ARHGAP6: variants seen among roughly 807,000 people sequenced by gnomAD.
ARHGAP6 encodes Rho GTPase activating protein 6, also known as rho GTPase-activating protein 6.
Under a neutral mutation model 55.7 loss-of-function variants are expected in ARHGAP6, and 16 were observed. That is an observed-to-expected ratio of 0.29 (90% CI 0.19 to 0.44). ARHGAP6 has a LOEUF of 0.44. Ranked by LOEUF, ARHGAP6 falls within the 20% of genes least tolerant of loss-of-function variation. The pLI is 1.00. For synonymous variants in ARHGAP6, 382 were observed against 360.9 expected (o/e 1.06, Z -0.66); for missense variants, 698 against 808.9 (o/e 0.86, Z 1.66).
At chrX:11,538,105 TAC>T (rs778775438) in intron 1 of ARHGAP6, among the ~76,000 whole-genome samples, 4 of 112,155 alleles carry the variant, frequency 3.6e-5, no homozygotes, top group South Asian at 7.4e-4. Flanking sequence ...TTCTAAAAGA[TAC>T]AGAGTTGTCT....
intron 2 of ARHGAP6, among the ~76,000 whole-genome samples, chrX:11,198,865 C>T (rs186962244): frequency 8.9e-6 from 1 of 112,278 alleles, no homozygotes; most frequent in African/African-American, 3.2e-5. Context: ...ATTGCTAGTA[C>T]CTGAGAAACT....
intron 1 of ARHGAP6, among the ~76,000 whole-genome samples, chrX:11,451,440 C>G (rs2050142980): frequency 8.9e-6 from 1 of 112,216 alleles, no homozygotes; most frequent in Non-Finnish European, 1.9e-5. Context: ...ACAGAACAAT[C>G]AGTCCACTCA....
chrX:11,249,898 T>C (rs150813454), intron 2 of ARHGAP6, among the ~76,000 whole-genome samples: 3,245 of 111,589 alleles, frequency 0.029, 40 homozygotes, highest in Middle Eastern at 0.088. Flanking sequence ...AATATATATC[T>C]ACCTATGTTT....
intron 1 of ARHGAP6, among the ~76,000 whole-genome samples, chrX:11,645,400 C>T (rs752816223): frequency 4.5e-5 from 5 of 111,242 alleles, no homozygotes; most frequent in East Asian, 2.8e-4. Context: ...CTGGGGGAAA[C>T]GTTACTTCAT....
intron 1 of ARHGAP6, among the ~76,000 whole-genome samples, chrX:11,261,806 T>G: frequency 9.0e-6 from 1 of 111,511 alleles, no homozygotes; most frequent in Middle Eastern, 4.6e-3. Context: ...ACATTTTTGG[T>G]TGTTATAACT....
intron 8 of ARHGAP6, among the ~76,000 whole-genome samples, chrX:11,174,606 T>G (rs1476016184): frequency 2.1e-5 from 2 of 95,111 alleles, no homozygotes; most frequent in Non-Finnish European, 4.3e-5. Context: ...CTTTCTTTCT[T>G]TCTTTCTTTC....
chrX:11,395,277 G>A (rs558160470), intron 1 of ARHGAP6, among the ~76,000 whole-genome samples: 13 of 111,546 alleles, frequency 1.2e-4, no homozygotes, highest in Middle Eastern at 4.6e-3. Flanking sequence ...AGCTAACCCA[G>A]CAATATGAAG....
intron 1 of ARHGAP6, among the ~76,000 whole-genome samples, chrX:11,344,748 G>A (rs1031627979): frequency 9.3e-6 from 1 of 106,985 alleles, no homozygotes; most frequent in Non-Finnish European, 1.9e-5. Context: ...TGCTCAGACT[G>A]GTTGGATTGA....
At chrX:11,481,101 G>A (rs946772384) in intron 1 of ARHGAP6, among the ~76,000 whole-genome samples, 2 of 111,026 alleles carry the variant, frequency 1.8e-5, no homozygotes, top group Non-Finnish European at 3.8e-5. Context: ...CAAATTACTA[G>A]GATCTCCCCT....
chrX:11,649,326 A>G (rs748017993), intron 1 of ARHGAP6, among the ~76,000 whole-genome samples: 4 of 112,173 alleles, frequency 3.6e-5, no homozygotes, highest in South Asian at 7.5e-4. Context: ...ATGCAGAGCC[A>G]AAGAACTACC....
At chrX:11,350,777 G>A (rs1002911185) in intron 1 of ARHGAP6, among the ~76,000 whole-genome samples, 1 of 111,376 alleles carries the variant, frequency 9.0e-6, no homozygotes, top group Admixed American at 9.6e-5. Context: ...TTACATTACA[G>A]AGACATTTAC....
rs771775925 is a variant in ARHGAP6, at chrX:11,298,637, C to G, written c.589-43930G>C. ...CCCAACAGCACCCCCCGACTCACACCCTGCAGCCTCATCACCACATCCCAG... is the reference window on the plus strand; with the variant it reads ...CCCAACAGCACCCCCCGACTCACACGCTGCAGCCTCATCACCACATCCCAG... On this transcript the variant is annotated intron_variant, in intron 1 of 12. Coordinates refer to ENST00000337414, the MANE Select transcript of ARHGAP6 (RefSeq NM_013427.3). 3 of 1,208,521 alleles carry G rather than the reference C, an allele frequency of 2.5e-6. No individual in the cohort carries two copies. The East Asian group carries it at 8.9e-5, about 36-fold the overall frequency.
At chrX:11,261,953 T>C (rs1488191118) in intron 1 of ARHGAP6, among the ~76,000 whole-genome samples, 1 of 112,076 alleles carries the variant, frequency 8.9e-6, no homozygotes, top group East Asian at 2.8e-4. Flanking sequence ...TGAGAAACCT[T>C]GGTTTAGCAT....
chrX:11,343,715 C>G (rs1363552849), intron 1 of ARHGAP6, among the ~76,000 whole-genome samples: 1 of 111,512 alleles, frequency 9.0e-6, no homozygotes, highest in Non-Finnish European at 1.9e-5. Context: ...TTAACAAGCC[C>G]TCTAGGTGAC....
chrX:11,655,798 C>G lies in ARHGAP6; in HGVS notation c.588+8443G>C, dbSNP rs773990564. Among the ~76,000 whole-genome samples, 7 of 112,594 alleles carry G rather than the reference C, an allele frequency of 6.2e-5. No individual in the cohort carries two copies. The South Asian group carries it at 2.6e-3, about 41-fold the overall frequency. On this transcript the variant is annotated intron_variant, in intron 1 of 12. Transcript: ENST00000337414. ...CAGTAAATTTTAGAACAAGATGTCACGCCCCAAAGGCAAGCCTCTGGGAAT... is the reference window on the plus strand; with the variant it reads ...CAGTAAATTTTAGAACAAGATGTCAGGCCCCAAAGGCAAGCCTCTGGGAAT...
chrX:11,326,837 T>G (rs145922052), intron 1 of ARHGAP6, among the ~76,000 whole-genome samples: 1,194 of 112,229 alleles, frequency 0.011, 22 homozygotes, highest in African/African-American at 0.036. Flanking sequence ...AAACTTTGAG[T>G]AAAATTTTTC....
At chrX:11,340,667 T>C (rs1191081445) in intron 1 of ARHGAP6, among the ~76,000 whole-genome samples, 1 of 106,954 alleles carries the variant, frequency 9.3e-6, no homozygotes, top group East Asian at 2.9e-4. Flanking sequence ...AAGCGGAGCT[T>C]GCAGTGAGCC....
chrX:11,656,013 C>T (rs1315632929), intron 1 of ARHGAP6, among the ~76,000 whole-genome samples: 2 of 112,642 alleles, frequency 1.8e-5, no homozygotes, highest in African/African-American at 6.4e-5. Flanking sequence ...TATTTGGAGG[C>T]ACCTGGCTGA....
At chrX:11,223,842 A>T (rs1479738474) in intron 2 of ARHGAP6, among the ~76,000 whole-genome samples, 4 of 110,965 alleles carry the variant, frequency 3.6e-5, no homozygotes, top group Admixed American at 9.6e-5. Flanking sequence ...CTGTTAGAGA[A>T]AATTATTGTT....
Sources: allele counts gnomAD v4.1 joint callset (sites outside exome capture counted in the v4.1 genomes callset), GRCh38; gene constraint gnomAD v4.1.1; transcripts MANE v1.5; gene names NCBI Gene and HGNC (gene_info 2026-07-23, HGNC 2026-07-21).